The following PTPRD variants were observed in gnomAD, a reference collection of about 807,000 sequenced individuals.
The protein encoded by PTPRD is protein tyrosine phosphatase receptor type D.
In PTPRD, 34 loss-of-function variants were observed where a neutral mutation model predicts 214.5. The observed-to-expected ratio is 0.16, with a 90% CI of 0.12 to 0.21. PTPRD has a LOEUF of 0.21. Ranked by LOEUF, PTPRD falls within the 10% of genes least tolerant of loss-of-function variation. PTPRD has a pLI of 1.00. For synonymous variants in PTPRD, 1,128 were observed against 845.7 expected (o/e 1.33, Z -5.79); for missense variants, 2,545 against 2,398.7 (o/e 1.06, Z -1.27).
chr9:10,238,790 G>T (rs934673346), intron 3 of PTPRD, among the ~76,000 whole-genome samples: 7 of 151,896 alleles, frequency 4.6e-5, no homozygotes, highest in Non-Finnish European at 7.4e-5. Flanking sequence ...CAAAAGTTGG[G>T]ATAATTGAAT....
intron 5 of PTPRD, among the ~76,000 whole-genome samples, chr9:9,855,184 G>A (rs1233827017): frequency 6.6e-6 from 1 of 152,110 alleles, no homozygotes; most frequent in Non-Finnish European, 1.5e-5. Context: ...AGAGCAAAGG[G>A]TATATAATGT....
chr9:9,506,138 G>A (rs769733521), intron 8 of PTPRD, among the ~76,000 whole-genome samples: 10 of 151,396 alleles, frequency 6.6e-5, no homozygotes, highest in African/African-American at 2.4e-4. Flanking sequence ...AAGCTGGTTT[G>A]AATACATTTC....
At position 8,389,306 on chromosome 9, in the gene PTPRD, C is replaced by T. The variant is rs2135648263; in HGVS notation, c.4312G>A (p.Asp1438Asn). Residue 1438 changes from aspartate (D) to asparagine (N), a missense_variant, in exon 37 of 46, where the codon GAC (aspartate) becomes AAC (asparagine). Transcript: ENST00000381196. Reference protein sequence around the residue: ...TQGSLPETFGDFWRMIWEQRS... With the variant: ...TQGSLPETFGNFWRMIWEQRS... ...TGTTCCCATATCATTCTCCAAAAGT[C>T]CCCAAATGTTTCGGGGAGAGATCCC... 6.2e-7 allele frequency: 1 copy of T among 1,613,132 alleles called. No individual in the cohort carries two copies. The highest frequency in any genetic ancestry group is 8.5e-7 in the Non-Finnish European group (1 of 1,179,406).
chr9:8,321,522 T>TAC (rs1828066753), intron 44 of PTPRD, among the ~76,000 whole-genome samples: 4 of 131,386 alleles, frequency 3.0e-5, no homozygotes, highest in African/African-American at 1.1e-4. Context: ...TATATATATA[T>TAC]ATATAAAAGG....
intron 5 of PTPRD, among the ~76,000 whole-genome samples, chr9:9,890,056 G>C (rs976534485): frequency 6.6e-6 from 1 of 151,998 alleles, no homozygotes; most frequent in African/African-American, 2.4e-5. Context: ...TAAGAAAGGA[G>C]CTTCTCTCTT....
chr9:8,925,991 A>G (rs1294904053), intron 11 of PTPRD, among the ~76,000 whole-genome samples: 1 of 151,680 alleles, frequency 6.6e-6, no homozygotes, highest in East Asian at 1.9e-4. Flanking sequence ...TTCAAACCAG[A>G]ACCCAAACTA....
chr9:10,301,274 C>T (rs2095854427), intron 3 of PTPRD, among the ~76,000 whole-genome samples: 1 of 152,108 alleles, frequency 6.6e-6, no homozygotes, highest in Admixed American at 6.5e-5. Flanking sequence ...TCACCAACAT[C>T]AAAGACCAAA....
chr9:8,942,343 G>A (rs1020553468), intron 11 of PTPRD, among the ~76,000 whole-genome samples: 4 of 151,998 alleles, frequency 2.6e-5, no homozygotes, highest in African/African-American at 9.7e-5. Flanking sequence ...ATCACTTTTG[G>A]CCAGTTCCAC....
chr9:10,009,258 G>C (rs1214165058), intron 4 of PTPRD, among the ~76,000 whole-genome samples: 4 of 151,940 alleles, frequency 2.6e-5, no homozygotes. Context: ...AGCCAAATCT[G>C]AGTGACCGAG....
At position 9,775,752 on chromosome 9, in the gene PTPRD, G is replaced by T. The variant is rs571998694; in HGVS notation, c.-367-8901C>A. On this transcript the variant is annotated intron_variant, in intron 5 of 45. Coordinates refer to ENST00000381196, the MANE Select transcript of PTPRD (RefSeq NM_002839.4). ...AGGTCAGGAGACTGAGACCATCCTG[G>T]CTAACACGGTGAAACCCAGTCTCTA... is the stretch of plus-strand genomic sequence containing the variant. Among the ~76,000 whole-genome samples, 487 of 152,118 alleles carry T rather than the reference G, an allele frequency of 3.2e-3. 4 individuals are homozygous for T. The highest frequency in any genetic ancestry group is 0.021 in the South Asian group (99 of 4,820).
At chr9:9,563,392 A>G (rs112083351) in intron 8 of PTPRD, among the ~76,000 whole-genome samples, 11 of 152,150 alleles carry the variant, frequency 7.2e-5, no homozygotes, top group Admixed American at 6.6e-4. Flanking sequence ...TATTGTCATG[A>G]TCATCAAAGT....
In PTPRD at chr9:8,459,573, T is replaced by G. The variant is rs551798833; in HGVS notation, c.3875+838A>C. On this transcript the variant is annotated intron_variant, in intron 33 of 45. Coordinates refer to ENST00000381196, the MANE Select transcript of PTPRD (RefSeq NM_002839.4). Reference sequence around the variant, plus strand: ...AGAAAGAATTTATAAGAACAATTACTAATGTCCTCTATCTAACTGACTGGC... The same window carrying G: ...AGAAAGAATTTATAAGAACAATTACGAATGTCCTCTATCTAACTGACTGGC... Among the ~76,000 whole-genome samples the G allele has an allele frequency of 1.3e-3, 194 of 152,170 alleles. 1 individual carries two copies. The highest frequency in any genetic ancestry group is 4.3e-3 in the African/African-American group (179 of 41,558).
intron 10 of PTPRD, among the ~76,000 whole-genome samples, chr9:9,180,786 C>A (rs1040887344): frequency 1.2e-4 from 19 of 152,100 alleles, no homozygotes; most frequent in African/African-American, 4.6e-4. Context: ...CTGATGAAAT[C>A]TAATACCCTA....
intron 7 of PTPRD, among the ~76,000 whole-genome samples, chr9:9,722,079 T>C (rs1013534742): frequency 6.6e-6 from 1 of 152,058 alleles, no homozygotes; most frequent in African/African-American, 2.4e-5. Flanking sequence ...GGAATCACTT[T>C]ATTAAGATAT....
intron 33 of PTPRD, among the ~76,000 whole-genome samples, chr9:8,456,008 C>T (rs951879300): frequency 1.3e-5 from 2 of 152,008 alleles, no homozygotes; most frequent in African/African-American, 4.8e-5. Context: ...AAATTATAGG[C>T]CGAGGATTTT....
chr9:9,956,968 G>A lies in PTPRD; in HGVS notation c.-471-18358C>T, dbSNP rs372436318. Among the ~76,000 whole-genome samples, 15 of 152,236 alleles carry A rather than the reference G, an allele frequency of 9.9e-5. No homozygotes were observed. In the East Asian group the frequency reaches 2.7e-3, roughly 27 times the overall value. On this transcript the variant is annotated intron_variant, in intron 4 of 45. Coordinates refer to ENST00000381196, the MANE Select transcript of PTPRD (RefSeq NM_002839.4). Reference sequence around the variant, plus strand: ...GTGGTAGCAAAAAAAATCAGTGCCCGTAACTAGCTAAGGGTCAGAACCTAA... The same window carrying A: ...GTGGTAGCAAAAAAAATCAGTGCCCATAACTAGCTAAGGGTCAGAACCTAA...
chr9:9,825,111 T>C (rs1008191991), intron 5 of PTPRD, among the ~76,000 whole-genome samples: 1 of 152,066 alleles, frequency 6.6e-6, no homozygotes, highest in Non-Finnish European at 1.5e-5. Context: ...GCAGTTTTTA[T>C]GTTATTTATT....
chr9:9,481,153 G>C (rs2095395902), intron 8 of PTPRD, among the ~76,000 whole-genome samples: 1 of 152,102 alleles, frequency 6.6e-6, no homozygotes, highest in Non-Finnish European at 1.5e-5. Flanking sequence ...GTGGAGTGTA[G>C]CGAGGATGAG....
intron 3 of PTPRD, among the ~76,000 whole-genome samples, chr9:10,235,396 G>T (rs988447067): frequency 6.6e-6 from 1 of 151,930 alleles, no homozygotes; most frequent in African/African-American, 2.4e-5. Context: ...AAATTCCCTC[G>T]TCGCGCATCA....
Sources: allele counts gnomAD v4.1 joint callset (sites outside exome capture counted in the v4.1 genomes callset), GRCh38; gene constraint gnomAD v4.1.1; transcripts MANE v1.5; gene names NCBI Gene and HGNC (gene_info 2026-07-23, HGNC 2026-07-21).